CD163L1: variants seen among roughly 807,000 people sequenced by gnomAD.
CD163L1 encodes scavenger receptor cysteine-rich type 1 protein M160.
Under a neutral mutation model 165.4 loss-of-function variants are expected in CD163L1, and 124 were observed. The ratio of observed to expected loss-of-function variants is 0.75; its 90% confidence interval spans 0.65 to 0.87. The LOEUF (loss-of-function observed/expected upper bound fraction) is 0.87. Among genes scored for constraint, CD163L1 ranks in the 40% least tolerant of loss-of-function variants. The pLI, the probability that CD163L1 is intolerant of heterozygous loss-of-function variation, is 0.00. For missense variants in CD163L1, 1,525 were observed against 1,799.9 expected (o/e 0.85, Z 2.76); for synonymous variants, 585 against 662.2 (o/e 0.88, Z 1.79).
chr12:7,367,102 G>A (rs899212825), intron 18 of CD163L1, 134 bp downstream of exon 18: 45 of 443,196 alleles, frequency 1.0e-4, no homozygotes, highest in East Asian at 9.4e-4. Flanking sequence ...TCTATTCCCC[G>A]TTTGTTTCCC....
At chr12:7,443,598 A>C (rs755258257) in intron 1 of CD163L1, among the ~76,000 whole-genome samples, 1 of 152,302 alleles carries the variant, frequency 6.6e-6, no homozygotes, top group Non-Finnish European at 1.5e-5. Context: ...AAGGGCTCAG[A>C]CTTAGCTGGT....
At chr12:7,345,609 C>T (rs1946664882), downstream of CD163L1, among the ~76,000 whole-genome samples, 1 of 152,214 alleles carries the variant, frequency 6.6e-6, no homozygotes, top group Non-Finnish European at 1.5e-5. Flanking sequence ...TTACCAAGTT[C>T]TAAAGTTGTT....
At chr12:7,439,627 T>G (rs1948786748) in intron 2 of CD163L1, 3 of 1,610,622 alleles carry the variant, frequency 1.9e-6, no homozygotes, top group Non-Finnish European at 2.5e-6. Context: ...TCTCTGAATA[T>G]CCTTCCTGAC....
At chr12:7,421,588 C>CAT (rs1565810661) in intron 4 of CD163L1, among the ~76,000 whole-genome samples, 1 of 91,602 alleles carries the variant, frequency 1.1e-5, no homozygotes, top group African/African-American at 4.5e-5. Flanking sequence ...TACATATATA[C>CAT]ATATACATAT....
At position 7,374,307 on chromosome 12, in the gene CD163L1, T is replaced by C. The variant is rs1947206542; in HGVS notation, c.3409+135A>G. 1.5e-5 allele frequency: 12 copies of C among 825,738 alleles called. No homozygotes were observed. Among genetic ancestry groups the C allele is most frequent in the African/African-American group, 3.4e-5 (2 of 58,480 alleles). The allele number at this position is 825,738 out of a possible 1,614,324, so 51.2% of individuals were successfully genotyped here. On this transcript the variant is annotated intron_variant, in intron 13 of 19. Coordinates refer to ENST00000313599, the MANE Select transcript of CD163L1 (RefSeq NM_174941.6). The surrounding 1 kb of genome is among the most constrained non-coding windows in gnomAD (Gnocchi z 5.4). ...GTATTAAGAAATCAGTATAAGAGAA[T>C]AGGATTAAAACCAAGTGGATTTTTT...
Position 7,374,647 on chromosome 12 carries a change from G to A in CD163L1, c.3204C>T (p.Ser1068=), listed in dbSNP as rs774261450. 5 of 1,614,228 alleles carry A rather than the reference G, an allele frequency of 3.1e-6. No homozygotes were observed. Among genetic ancestry groups the A allele is most frequent in the East Asian group, 4.5e-5 (2 of 44,880 alleles). Residue 1068 remains serine, a synonymous_variant, in exon 13 of 20, where the codon AGC becomes AGT. Coordinates refer to ENST00000313599, the MANE Select transcript of CD163L1 (RefSeq NM_174941.6). This position sits in a 1 kb window ranked among gnomAD's most constrained non-coding sequence, Gnocchi z 5.4. ...GTICDDGWDL[S]DAHVVCQKLG... is the part of the protein sequence containing the mutation. ...GCTTTTGACACACCACGTGGGCATC[G>A]CTCAGGTCCCAGCCGTCATCACAGA...
intron 8 of CD163L1, among the ~76,000 whole-genome samples, chr12:7,388,156 A>G (rs190588641): frequency 6.6e-6 from 1 of 152,338 alleles, no homozygotes; most frequent in Admixed American, 6.5e-5. Flanking sequence ...GTAACACATC[A>G]ACCTATAAAA....
At chr12:7,334,122 C>A in the CD163L1 span, among the ~76,000 whole-genome samples, 1 of 150,604 alleles carries the variant, frequency 6.6e-6, no homozygotes, top group African/African-American at 2.4e-5. Context: ...AAGAGGGAAT[C>A]CTCCCTAACT....
rs117904047 is a variant in CD163L1 at position 7,373,530 on chromosome 12, T to C, written c.3520A>G (p.Thr1174Ala). 1.3e-4 allele frequency: 204 copies of C among 1,613,748 alleles called. 1 individual carries two copies. The highest frequency in any genetic ancestry group is 1.7e-4 in the Non-Finnish European group (197 of 1,180,016). The change falls in exon 14 of 20, where the codon ACA (threonine) becomes GCA (alanine). Residue 1174 changes from threonine to alanine, a missense_variant. Transcript: ENST00000313599. Reference protein sequence around the residue: ...WGSVGRRNITTAIAGIVCRQL... With the variant: ...WGSVGRRNITAAIAGIVCRQL... ...CTGCACACAATGCCTGCTATGGCTGTGGTGATGTTCCTCCTGCCGACGCTG... is the reference window on the plus strand; with the variant it reads ...CTGCACACAATGCCTGCTATGGCTGCGGTGATGTTCCTCCTGCCGACGCTG...
At chr12:7,439,893 T>C (rs986192309) in intron 2 of CD163L1, 1 of 1,602,822 alleles carries the variant, frequency 6.2e-7, no homozygotes, top group Non-Finnish European at 8.5e-7. Context: ...CGCCCACTAC[T>C]CCAACTCCTT....
Position 7,374,782 on chromosome 12 carries a change from G to A in CD163L1, c.3095-26C>T, listed in dbSNP as rs775021097. 1.6e-5 allele frequency: 26 copies of A among 1,613,806 alleles called. No homozygotes were observed. The highest frequency in any genetic ancestry group is 2.2e-5 in the Non-Finnish European group (26 of 1,179,890). On this transcript the variant is annotated intron_variant, in intron 12 of 19. Coordinates refer to ENST00000313599, the MANE Select transcript of CD163L1 (RefSeq NM_174941.6). This position sits in a 1 kb window ranked among gnomAD's most constrained non-coding sequence, Gnocchi z 5.4. ...CTTAGAGGAGAAAGTCCAGTTAATA[G>A]GTCACATTCTTTAGAGTTGCAGTGT...
chr12:7,383,095 A>G lies in CD163L1; in HGVS notation c.2051-3797T>C, dbSNP rs190832381. On this transcript the variant is annotated intron_variant, in intron 8 of 19. Transcript: ENST00000313599. ...ACACTGTGCACTTTCATGAGCCTTC[A>G]GTGAGCCTGAAAATGGCTTGCCAGG... Among the ~76,000 whole-genome samples the G allele has an allele frequency of 2.0e-3, 311 of 152,300 alleles. 2 individuals are homozygous for G. Among genetic ancestry groups the G allele is most frequent in the African/African-American group, 7.1e-3 (294 of 41,566 alleles).
the CD163L1 span, among the ~76,000 whole-genome samples, chr12:7,331,528 C>A: frequency 1.3e-5 from 2 of 152,160 alleles, no homozygotes; most frequent in African/African-American, 4.8e-5. Context: ...CTGGGAGGCA[C>A]CCCCCAGTAG....
intron 18 of CD163L1, among the ~76,000 whole-genome samples, chr12:7,361,007 C>G (rs1233335174): frequency 6.6e-6 from 1 of 151,818 alleles, no homozygotes; most frequent in Non-Finnish European, 1.5e-5. Flanking sequence ...AGTGATCAAC[C>G]CAGTTAGGTT....
At chr12:7,438,865 C>T in intron 2 of CD163L1, 2 of 1,576,868 alleles carry the variant, frequency 1.3e-6, no homozygotes, top group Non-Finnish European at 1.7e-6. Flanking sequence ...TAGGCATAAG[C>T]TTCTCTAACT....
chr12:7,403,333 T>C (rs913730774), intron 6 of CD163L1, among the ~76,000 whole-genome samples: 4 of 152,200 alleles, frequency 2.6e-5, no homozygotes, highest in Non-Finnish European at 5.9e-5. Context: ...AGCAGCTGCA[T>C]CTGATTTCAG....
intron 2 of CD163L1, among the ~76,000 whole-genome samples, chr12:7,436,768 A>T: frequency 6.6e-6 from 1 of 152,294 alleles, no homozygotes; most frequent in Non-Finnish European, 1.5e-5. Flanking sequence ...AAAAATATAG[A>T]AAATAATGAA....
At chr12:7,330,396 T>A in the CD163L1 span, among the ~76,000 whole-genome samples, 1 of 152,232 alleles carries the variant, frequency 6.6e-6, no homozygotes, top group Non-Finnish European at 1.5e-5. Context: ...GACAGTTTAC[T>A]TCACAGACTT....
At chr12:7,401,256 T>C (rs1165975947) in intron 6 of CD163L1, among the ~76,000 whole-genome samples, 3 of 152,070 alleles carry the variant, frequency 2.0e-5, no homozygotes, top group Admixed American at 2.0e-4. Context: ...AATAGAACAC[T>C]GCCTGGCACA....
Sources: allele counts gnomAD v4.1 joint callset (sites outside exome capture counted in the v4.1 genomes callset), GRCh38; gene constraint gnomAD v4.1.1; non-coding constraint Gnocchi (gnomAD v3.1); transcripts MANE v1.5; gene names NCBI Gene and HGNC (gene_info 2026-07-23, HGNC 2026-07-21).